Variants in PCBD2 observed in about 807,000 individuals in gnomAD.
PCBD2 encodes pterin-4-alpha-carbinolamine dehydratase 2.
PCBD2 carries 12 observed loss-of-function variants against 16.4 expected under a neutral mutation model. The observed-to-expected ratio is 0.73, with a 90% CI of 0.47 to 1.19. PCBD2 has a LOEUF of 1.19. Among genes scored for constraint, PCBD2 ranks in the 50% most tolerant of loss-of-function variants. The pLI, the probability that PCBD2 is intolerant of heterozygous loss-of-function variation, is 0.00. For missense variants in PCBD2, 138 were observed against 156.8 expected (o/e 0.88, Z 0.64); for synonymous variants, 58 against 61.8 (o/e 0.94, Z 0.29).
At position 134,934,446 on chromosome 5, in the gene PCBD2, G is replaced by A. The variant is rs528779808; in HGVS notation, c.216+23980G>A. 1.6e-4 allele frequency among the ~76,000 whole-genome samples: 25 copies of A among 152,262 alleles called. No homozygotes were observed. In the South Asian group the frequency reaches 4.4e-3, roughly 27 times the overall value. ...ATGCTCCGTGGTGTCTAATCAGGTC[G>A]TGTGCTTGGGAACCATGAAATAATT... On this transcript the variant is annotated intron_variant, in intron 2 of 3. Transcript: ENST00000254908.
intron 2 of PCBD2, among the ~76,000 whole-genome samples, chr5:134,947,940 G>A (rs2149539051): frequency 6.6e-6 from 1 of 151,972 alleles, no homozygotes; most frequent in African/African-American, 2.4e-5. Flanking sequence ...AACAAATAAG[G>A]ATTATCAGCA....
chr5:134,930,997 A>G (rs778910765), intron 2 of PCBD2, among the ~76,000 whole-genome samples: 8 of 151,986 alleles, frequency 5.3e-5, no homozygotes, highest in Non-Finnish European at 8.8e-5. Context: ...GGCTCACTGC[A>G]ACCTTCACCT....
At chr5:134,920,687 G>C (rs760388491) in intron 2 of PCBD2, among the ~76,000 whole-genome samples, 1 of 149,938 alleles carries the variant, frequency 6.7e-6, no homozygotes, top group East Asian at 2.0e-4. Context: ...ACGGAGTCTC[G>C]CTCTGTCGGC....
intron 2 of PCBD2, among the ~76,000 whole-genome samples, chr5:134,954,993 C>G (rs1172857555): frequency 3.3e-5 from 5 of 151,914 alleles, no homozygotes; most frequent in African/African-American, 1.2e-4. Flanking sequence ...GCGCCTGCCT[C>G]GGCTTCCCAA....
At chr5:134,912,986 C>T (rs568107376) in intron 2 of PCBD2, among the ~76,000 whole-genome samples, 3 of 152,244 alleles carry the variant, frequency 2.0e-5, no homozygotes, top group Admixed American at 6.5e-5. Context: ...AATTTCCAAT[C>T]GCAACTACTT....
rs1750774944 is a variant in PCBD2, at chr5:134,912,067, ACCTTGCG to A, written c.216+1603_216+1609del. Among the ~76,000 whole-genome samples the A allele has an allele frequency of 1.3e-5, 2 of 152,208 alleles. 1 individual carries two copies. The highest frequency in any genetic ancestry group is 1.3e-4 in the Admixed American group (2 of 15,276). On this transcript the variant is annotated intron_variant, in intron 2 of 3. Coordinates refer to ENST00000254908, the MANE Select transcript of PCBD2 (RefSeq NM_032151.5). ...GATTCAGTCCTCCAGCACCATTCTG[ACCTTGCG>A]CTCAGGGTGACTTTCAGCAATGGTA...
At chr5:134,932,017 T>A (rs1751104438) in intron 2 of PCBD2, among the ~76,000 whole-genome samples, 1 of 152,178 alleles carries the variant, frequency 6.6e-6, no homozygotes, top group Middle Eastern at 3.2e-3. Flanking sequence ...GAAAGTCACT[T>A]CCAGATAGGT....
chr5:134,933,359 C>T (rs1402077057), intron 2 of PCBD2, among the ~76,000 whole-genome samples: 1 of 152,152 alleles, frequency 6.6e-6, no homozygotes, highest in Non-Finnish European at 1.5e-5. Flanking sequence ...CCTCAGCCTC[C>T]TGAGTAGCTG....
rs113146212 is a variant in PCBD2 at position 134,927,899 on chromosome 5, GT to G, written c.216+17435del. On this transcript the variant is annotated intron_variant, in intron 2 of 3. Transcript: ENST00000254908. Reference sequence around the variant, plus strand: ...ATAAGGAGCAGCTAAATAGGTTGTTGTTGATTTGGTTGAAAAATAGTAGGGG... The same window carrying G: ...ATAAGGAGCAGCTAAATAGGTTGTTGTGATTTGGTTGAAAAATAGTAGGGG... The G allele has an allele frequency of 1.4e-3, 556 of 397,178 alleles. 3 individuals are homozygous for G. Among genetic ancestry groups the G allele is most frequent in the African/African-American group, 0.01 (491 of 48,562 alleles). The allele number at this position is 397,178 out of a possible 1,614,324, so 24.6% of individuals were successfully genotyped here. A position where few individuals can be genotyped will look rare whatever the true frequency, so the allele number is the denominator to read the frequency against.
intron 2 of PCBD2, among the ~76,000 whole-genome samples, chr5:134,942,486 A>G (rs1751241528): frequency 6.6e-6 from 1 of 152,174 alleles, no homozygotes; most frequent in South Asian, 2.1e-4. Flanking sequence ...CCTAGAACTG[A>G]ATGATGAGAA....
rs182903841 is a variant in PCBD2 at position 134,928,560 on chromosome 5, C to T, written c.216+18094C>T. 159 of 245,462 alleles carry T rather than the reference C, an allele frequency of 6.5e-4. 1 individual carries two copies. Among genetic ancestry groups the T allele is most frequent in the Non-Finnish European group, 1.0e-3 (131 of 130,032 alleles). 15.2% of individuals were successfully genotyped at this position (245,462 alleles called of 1,614,324 possible). On this transcript the variant is annotated intron_variant, in intron 2 of 3. Coordinates refer to ENST00000254908, the MANE Select transcript of PCBD2 (RefSeq NM_032151.5). ...TATTAAGAATGACTTCCAGGCTGGGCGCGGTGGCTCACGCCTGTAATCCTA... is the reference window on the plus strand; with the variant it reads ...TATTAAGAATGACTTCCAGGCTGGGTGCGGTGGCTCACGCCTGTAATCCTA...
chr5:134,927,186 G>A (rs1751018085), intron 2 of PCBD2: 3 of 398,548 alleles, frequency 7.5e-6, no homozygotes, highest in Non-Finnish European at 1.3e-5. Flanking sequence ...TGCAATGAGC[G>A]ATTTTAGGTC....
intron 1 of PCBD2, among the ~76,000 whole-genome samples, chr5:134,906,153 C>T (rs1222694288): frequency 6.8e-6 from 1 of 146,074 alleles, no homozygotes; most frequent in African/African-American, 2.6e-5. Context: ...GGATTACAGG[C>T]GCGAGCCACT....
At chr5:134,952,632 C>T (rs1169712086) in intron 2 of PCBD2, among the ~76,000 whole-genome samples, 1 of 151,936 alleles carries the variant, frequency 6.6e-6, no homozygotes, top group African/African-American at 2.4e-5. Context: ...AACAAGACCC[C>T]ATTTCTACAA....
chr5:134,939,650 A>G (rs564258878), intron 2 of PCBD2, among the ~76,000 whole-genome samples: 1 of 152,304 alleles, frequency 6.6e-6, no homozygotes, highest in South Asian at 2.1e-4. Context: ...TTCACATGAG[A>G]CACCCAAGAA....
At chr5:134,945,039 T>C (rs1225719667) in intron 2 of PCBD2, among the ~76,000 whole-genome samples, 1 of 152,258 alleles carries the variant, frequency 6.6e-6, no homozygotes, top group Non-Finnish European at 1.5e-5. Context: ...GGCAAGGCTA[T>C]TGAAGCCTTT....
intron 2 of PCBD2, chr5:134,925,870 T>C (rs907720352): frequency 1.3e-5 from 5 of 393,486 alleles, no homozygotes; most frequent in African/African-American, 2.1e-5. Context: ...TTGTTGTGGG[T>C]CTCATGAGTT....
intron 2 of PCBD2, among the ~76,000 whole-genome samples, chr5:134,944,544 C>A (rs992435858): frequency 6.6e-6 from 1 of 150,528 alleles, no homozygotes; most frequent in Non-Finnish European, 1.5e-5. Context: ...AAAAAAAAAA[C>A]ACAACAACCC....
chr5:134,941,700 G>A lies in PCBD2; in HGVS notation c.217-17340G>A, dbSNP rs147388893. On this transcript the variant is annotated intron_variant, in intron 2 of 3. Transcript: ENST00000254908. ...GTTTTAATAGTATTTAGTGATTCAG[G>A]ATACACAATTAAATGAATATTATAA... Among the ~76,000 whole-genome samples, 611 of 152,188 alleles carry A rather than the reference G, an allele frequency of 4.0e-3. 4 individuals are homozygous for A. Among genetic ancestry groups the A allele is most frequent in the African/African-American group, 0.013 (540 of 41,538 alleles).
Sources: gnomAD v4.1 joint callset for allele counts (sites outside exome capture counted in the v4.1 genomes callset) on GRCh38, gnomAD v4.1.1 for gene constraint, MANE v1.5 for transcripts, NCBI Gene and HGNC (gene_info 2026-07-23, HGNC 2026-07-21) for gene names.